Variants in SND1 observed in about 807,000 individuals in gnomAD.
SND1 encodes staphylococcal nuclease domain-containing protein 1.
In SND1, 38 loss-of-function variants were observed where a neutral mutation model predicts 121.7. The ratio of observed to expected loss-of-function variants is 0.31; its 90% CI spans 0.24 to 0.41. The LOEUF (loss-of-function observed/expected upper bound fraction) is 0.41, where lower values mean the gene tolerates loss of function less well. SND1 is among the 10% of genes least tolerant of loss of function. SND1 has a pLI of 1.00. For missense variants in SND1, 868 were observed against 1,184.6 expected, an observed-to-expected ratio of 0.73 and a Z score of 3.92; for synonymous variants, 401 against 447.4, an observed-to-expected ratio of 0.90 and a Z score of 1.31.
At chr7:127,669,107 G>A (rs571825392) in intron 1 of SND1, among the ~76,000 whole-genome samples, 4 of 151,990 alleles carry the variant, frequency 2.6e-5, no homozygotes, top group East Asian at 3.9e-4. Context: ...ATTCTTCTGC[G>A]TCAGCCTCCT....
chr7:128,071,821 A>G (rs1346109987), intron 16 of SND1, among the ~76,000 whole-genome samples: 1 of 152,230 alleles, frequency 6.6e-6, no homozygotes, highest in African/African-American at 2.4e-5. Flanking sequence ...ACAGAGCCCC[A>G]TGGGCGACAG....
intron 14 of SND1, among the ~76,000 whole-genome samples, chr7:127,911,168 T>G (rs1481873569): frequency 6.6e-6 from 1 of 152,178 alleles, no homozygotes; most frequent in African/African-American, 2.4e-5. Context: ...TCTTCTTTCT[T>G]CAAGCAAAGT....
chr7:127,853,877 C>T (rs989302817), intron 12 of SND1, among the ~76,000 whole-genome samples: 14 of 152,180 alleles, frequency 9.2e-5, no homozygotes, highest in African/African-American at 3.4e-4. Context: ...GGCTGGCTGG[C>T]CATGCTTTTC....
At chr7:127,711,957 T>C (rs974801836) in intron 9 of SND1, among the ~76,000 whole-genome samples, 2 of 152,004 alleles carry the variant, frequency 1.3e-5, no homozygotes, top group African/African-American at 2.4e-5. Context: ...TTTTTTTTTT[T>C]AGTTTCATTT....
At chr7:127,895,121 T>C (rs1800092229) in intron 13 of SND1, among the ~76,000 whole-genome samples, 1 of 152,098 alleles carries the variant, frequency 6.6e-6, no homozygotes, top group Non-Finnish European at 1.5e-5. Flanking sequence ...TCATCTTCTC[T>C]GTCCAGCCTC....
At chr7:127,683,319 G>T (rs535875741) in intron 1 of SND1, among the ~76,000 whole-genome samples, 4 of 152,104 alleles carry the variant, frequency 2.6e-5, no homozygotes, top group African/African-American at 9.7e-5. Context: ...AGGCTCAAGC[G>T]GTTCTCCTAC....
intron 10 of SND1, among the ~76,000 whole-genome samples, chr7:127,788,743 C>G (rs1475199905): frequency 6.6e-6 from 1 of 152,138 alleles, no homozygotes; most frequent in Non-Finnish European, 1.5e-5. Context: ...CACTGGTGCC[C>G]TGATTCTCCT....
At chr7:127,837,394 A>C (rs997964615) in intron 11 of SND1, among the ~76,000 whole-genome samples, 1 of 152,260 alleles carries the variant, frequency 6.6e-6, no homozygotes, top group Admixed American at 6.5e-5. Flanking sequence ...TGCATTAAAT[A>C]AAAAATCATA....
chr7:128,070,230 TC>T (rs1328032432), intron 16 of SND1, among the ~76,000 whole-genome samples: 1 of 152,060 alleles, frequency 6.6e-6, no homozygotes, highest in Non-Finnish European at 1.5e-5. Context: ...GGTACCCCCC[TC>T]CCCCAGAACC....
intron 10 of SND1, among the ~76,000 whole-genome samples, chr7:127,769,534 C>A (rs528993350): frequency 1.6e-4 from 25 of 152,160 alleles, no homozygotes; most frequent in African/African-American, 6.0e-4. Context: ...TTCTGACAGT[C>A]CCTCCCTGGT....
chr7:127,842,488 G>A (rs984163831), intron 11 of SND1, among the ~76,000 whole-genome samples: 1 of 152,120 alleles, frequency 6.6e-6, no homozygotes, highest in Non-Finnish European at 1.5e-5. Context: ...CTAACTTCCT[G>A]TCTGCAAAAT....
Position 128,029,419 on chromosome 7 carries a change from T to G in SND1, c.1779+38363T>G. ...AGCAGCACGTGGGAAAAGTTCAAGGTGCCGTCGTTGAGGACAGAGATCCTT... is the reference window on the plus strand; with the variant it reads ...AGCAGCACGTGGGAAAAGTTCAAGGGGCCGTCGTTGAGGACAGAGATCCTT... On this transcript the variant is annotated intron_variant, in intron 16 of 23. Coordinates refer to ENST00000354725, the MANE Select transcript of SND1 (RefSeq NM_014390.4). This position sits in a 1 kb window ranked among gnomAD's most constrained non-coding sequence, Gnocchi z 4.2. The G allele has an allele frequency of 6.2e-7, 1 of 1,614,168 alleles. No individual in the cohort carries two copies. Among genetic ancestry groups the G allele is most frequent in the Middle Eastern group, 1.6e-4 (1 of 6,062 alleles).
At chr7:127,839,206 T>G (rs1346557330) in intron 11 of SND1, among the ~76,000 whole-genome samples, 2 of 152,036 alleles carry the variant, frequency 1.3e-5, no homozygotes, top group Non-Finnish European at 2.9e-5. Flanking sequence ...GTATTAGGGG[T>G]GCGTAGAGGC....
intron 22 of SND1, among the ~76,000 whole-genome samples, chr7:128,090,245 G>C (rs1793755117): frequency 6.6e-6 from 1 of 152,222 alleles, no homozygotes; most frequent in Non-Finnish European, 1.5e-5. Flanking sequence ...AGTGAGGGGA[G>C]GACTAGCTGC....
chr7:127,828,661 C>T (rs1487433454), intron 11 of SND1, among the ~76,000 whole-genome samples: 3 of 152,140 alleles, frequency 2.0e-5, no homozygotes, highest in Non-Finnish European at 1.5e-5. Context: ...TCTGGAAAAT[C>T]TATAGTGTCA....
intron 10 of SND1, among the ~76,000 whole-genome samples, chr7:127,798,936 A>G (rs2116559025): frequency 6.6e-6 from 1 of 150,844 alleles, no homozygotes; most frequent in Non-Finnish European, 1.5e-5. Flanking sequence ...GTCCCCAGCT[A>G]CTCGGCAGGC....
At chr7:127,696,562 T>A (rs975809306) in intron 3 of SND1, among the ~76,000 whole-genome samples, 1 of 152,160 alleles carries the variant, frequency 6.6e-6, no homozygotes, top group African/African-American at 2.4e-5. Flanking sequence ...ACCTAAAAAA[T>A]TTCAATTCCA....
intron 15 of SND1, among the ~76,000 whole-genome samples, chr7:127,971,731 A>G (rs1306097168): frequency 1.3e-5 from 2 of 152,112 alleles, no homozygotes; most frequent in Non-Finnish European, 2.9e-5. Flanking sequence ...CTTATATACA[A>G]TAAAGTACAC....
rs183441238 is a variant in SND1 at position 127,902,996 on chromosome 7, C to G, written c.1455-1751C>G. ...TCCCGGGTTCAAGGAATTCTCCTGC[C>G]TCAGCCTCCCGAGTAGCTGGGATTC... is the stretch of plus-strand genomic sequence containing the variant. On this transcript the variant is annotated intron_variant, in intron 13 of 23. Transcript: ENST00000354725. Among the ~76,000 whole-genome samples the G allele has an allele frequency of 2.1e-4, 32 of 152,280 alleles. 1 individual carries two copies. In the East Asian group the frequency reaches 5.4e-3, roughly 26 times the overall value.
Sources: gnomAD v4.1 joint callset for allele counts (sites outside exome capture counted in the v4.1 genomes callset) on GRCh38, gnomAD v4.1.1 for gene constraint, Gnocchi (gnomAD v3.1) non-coding constraint, MANE v1.5 for transcripts, NCBI Gene and HGNC (gene_info 2026-07-23, HGNC 2026-07-21) for gene names.